PBRM1: variants seen among roughly 807,000 people sequenced by gnomAD.
PBRM1 encodes protein polybromo-1.
A neutral mutation model predicts 194.5 loss-of-function variants in PBRM1; 27 were observed. That is an observed-to-expected ratio of 0.14 (90% confidence interval 0.10 to 0.19). PBRM1 has a LOEUF of 0.19. Ranked by LOEUF, PBRM1 falls within the 10% of genes least tolerant of loss-of-function variation. The pLI is 1.00. For synonymous variants in PBRM1, 655 were observed against 693.2 expected (o/e 0.94, Z 0.87); for missense variants, 1,466 against 2,077.2 (o/e 0.71, Z 5.72).
chr3:52,558,191 A>G (rs1238289853), intron 26 of PBRM1, 58 bp downstream of exon 28: 59 of 1,337,016 alleles, frequency 4.4e-5, no homozygotes, highest in Non-Finnish European at 5.7e-5. Flanking sequence ...TATTGGAGAA[A>G]AAAAAAATGA....
At chr3:52,550,534 A>G (rs201684321) in exon 29 of PBRM1, 2 of 1,573,296 alleles carry the variant, frequency 1.3e-6, no homozygotes, top group East Asian at 2.2e-5. Flanking sequence ...TGGGGGAGCT[A>G]CAAACATGGG....
Position 52,563,559 on chromosome 3 carries a change from T to A in PBRM1, c.3876-66A>T, listed in dbSNP as rs891585896. 44 of 1,119,980 alleles carry A rather than the reference T, an allele frequency of 3.9e-5. No homozygotes were observed. The Middle Eastern group carries it at 8.0e-4, about 20-fold the overall frequency. The allele number at this position is 1,119,980 out of a possible 1,614,324, so 69.4% of individuals were successfully genotyped here. On this transcript the variant is annotated intron_variant, in intron 23 of 29. Coordinates refer to ENST00000296302, the Ensembl canonical transcript of PBRM1. ...CCCTCCAGAATAAGCCGGAAAGCAG[T>A]GTTCCACCTTAACAACTAGAAGTGA...
At chr3:52,628,463 A>G in intron 12 of PBRM1, among the ~76,000 whole-genome samples, 1 of 126,940 alleles carries the variant, frequency 7.9e-6, no homozygotes, top group East Asian at 2.2e-4. Context: ...TTTTATATAT[A>G]TATTATATAT....
Position 52,673,437 on chromosome 3 carries a change from G to A in PBRM1, c.237-4792C>T, listed in dbSNP as rs772252524. On this transcript the variant is annotated intron_variant, in intron 2 of 29. Transcript: ENST00000296302. ...TAATCCCAGCACTTTGGGAGGCTGA[G>A]GCGGGTGGATCACCTGAGGTCAGGA... 1.8e-3 allele frequency among the ~76,000 whole-genome samples: 270 copies of A among 150,662 alleles called. 1 individual carries two copies. Among genetic ancestry groups the A allele is most frequent in the Admixed American group, 4.1e-3 (62 of 15,160 alleles).
At chr3:52,582,884 T>C (rs1576095082) in intron 20 of PBRM1, among the ~76,000 whole-genome samples, 1 of 144,554 alleles carries the variant, frequency 6.9e-6, no homozygotes, top group Non-Finnish European at 1.5e-5. Flanking sequence ...GATCATGAGG[T>C]CAGGAGATCG....
rs2095603079 is a variant in PBRM1 at position 52,631,103 on chromosome 3, A to G, written c.1302-2068T>C. On this transcript the variant is annotated intron_variant, in intron 11 of 29. Transcript: ENST00000296302. ...ATTTCCATGTTATTTTAATAAGACC[A>G]AAAAAACTAATCTTCTGTATCCTAC... Among the ~76,000 whole-genome samples the G allele has an allele frequency of 2.6e-5, 4 of 152,114 alleles. No homozygotes were observed. The South Asian group carries it at 8.3e-4, about 32-fold the overall frequency.
intron 13 of PBRM1, among the ~76,000 whole-genome samples, chr3:52,619,291 C>A (rs1179467537): frequency 6.6e-6 from 1 of 152,050 alleles, no homozygotes; most frequent in East Asian, 1.9e-4. Context: ...CCTTGTATAC[C>A]GAAATACATA....
chr3:52,599,181 G>A (rs1429507145), intron 17 of PBRM1, among the ~76,000 whole-genome samples: 1 of 151,828 alleles, frequency 6.6e-6, no homozygotes, highest in African/African-American at 2.4e-5. Context: ...CAGAATGAGA[G>A]CCCATCACAC....
chr3:52,581,883 G>A (rs951344210), intron 20 of PBRM1, among the ~76,000 whole-genome samples: 14 of 152,088 alleles, frequency 9.2e-5, no homozygotes, highest in Admixed American at 4.6e-4. Context: ...TGATCTGCCC[G>A]CCTCAGCCTC....
chr3:52,556,246 G>C (rs976580547), intron 26 of PBRM1, among the ~76,000 whole-genome samples: 3 of 152,176 alleles, frequency 2.0e-5, no homozygotes, highest in African/African-American at 7.2e-5. Flanking sequence ...TCATACCTAA[G>C]CTGACTAACT....
downstream of PBRM1, chr3:52,546,211 T>C (rs2079658443): frequency 4.3e-6 from 1 of 232,518 alleles, no homozygotes; most frequent in African/African-American, 2.2e-5. Context: ...AAATAAATAA[T>C]TTAACCACAA....
chr3:52,665,902 G>C (rs1300813497), intron 3 of PBRM1, among the ~76,000 whole-genome samples: 1 of 152,128 alleles, frequency 6.6e-6, no homozygotes, highest in South Asian at 2.1e-4. Context: ...GATCAGAGTT[G>C]AATTATTCTA....
At chr3:52,640,421 C>A (rs1207648719) in intron 10 of PBRM1, among the ~76,000 whole-genome samples, 1 of 151,796 alleles carries the variant, frequency 6.6e-6, no homozygotes, top group African/African-American at 2.4e-5. Flanking sequence ...CAGGCATGCA[C>A]CAACACGCCT....
At chr3:52,635,545 G>GA (rs1176077990) in intron 10 of PBRM1, among the ~76,000 whole-genome samples, 1 of 151,960 alleles carries the variant, frequency 6.6e-6, no homozygotes, top group Non-Finnish European at 1.5e-5. Context: ...CAGCCTGGGT[G>GA]ACGGATGAAG....
chr3:52,589,229 C>T (rs1401109882), exon 18 of PBRM1: 2 of 1,548,360 alleles, frequency 1.3e-6, no homozygotes, highest in Non-Finnish European at 1.7e-6. Context: ...CCTGCAGCAC[C>T]AGAGGAATCT....
At chr3:52,642,247 A>C (rs1270252340) in intron 9 of PBRM1, among the ~76,000 whole-genome samples, 1 of 152,198 alleles carries the variant, frequency 6.6e-6, no homozygotes, top group Non-Finnish European at 1.5e-5. Context: ...CTTAGAAAAG[A>C]GGGAGTGGAA....
At chr3:52,662,149 C>T (rs758198630) in exon 4 of PBRM1, 4 of 1,613,884 alleles carry the variant, frequency 2.5e-6, no homozygotes, top group Non-Finnish European at 3.4e-6. Context: ...AGTCACTGTG[C>T]CCTGATTGTC....
chr3:52,650,625 T>C (rs531529307), intron 6 of PBRM1, among the ~76,000 whole-genome samples: 6 of 152,240 alleles, frequency 3.9e-5, no homozygotes, highest in Non-Finnish European at 7.4e-5. Flanking sequence ...CTTCTTATCC[T>C]GGGAAGATCA....
chr3:52,586,183 C>G, intron 20 of PBRM1: 1 of 323,762 alleles, frequency 3.1e-6, no homozygotes, highest in Non-Finnish European at 5.7e-6. Flanking sequence ...ATCTGCCCGC[C>G]TTGGCCTCCC....
Sources: allele counts gnomAD v4.1 joint callset (sites outside exome capture counted in the v4.1 genomes callset), GRCh38; gene constraint gnomAD v4.1.1; transcripts MANE v1.5; gene names NCBI Gene and HGNC (gene_info 2026-07-23, HGNC 2026-07-21).